The following FRY variants were observed in gnomAD, a reference collection of about 807,000 sequenced individuals.
FRY encodes FRY microtubule binding protein, also known as protein furry homolog.
Under a neutral mutation model 348.4 loss-of-function variants are expected in FRY, and 128 were observed. That is an observed-to-expected ratio of 0.37 (90% CI 0.32 to 0.43). The LOEUF (loss-of-function observed/expected upper bound fraction) is 0.43. Among genes scored for constraint, FRY ranks in the 20% least tolerant of loss-of-function variants. FRY has a pLI of 1.00. For missense variants in FRY, 2,736 were observed against 3,695.2 expected, an observed-to-expected ratio of 0.74 and a Z score of 6.73; for synonymous variants, 1,370 against 1,374.7, an observed-to-expected ratio of 1.00 and a Z score of 0.08.
At chr13:32,230,369 T>A (rs1885841605) in intron 40 of FRY, among the ~76,000 whole-genome samples, 1 of 152,224 alleles carries the variant, frequency 6.6e-6, no homozygotes, top group South Asian at 2.1e-4. Context: ...AGCCTCCAGC[T>A]CCATCCATGT....
At chr13:32,271,846 T>A (rs1183524991) in intron 55 of FRY, among the ~76,000 whole-genome samples, 1 of 152,018 alleles carries the variant, frequency 6.6e-6, no homozygotes, top group Non-Finnish European at 1.5e-5. Flanking sequence ...GAGAGCAAAG[T>A]GGTTGTGGAA....
At chr13:32,180,550 T>C (rs781623767) in intron 23 of FRY, among the ~76,000 whole-genome samples, 1 of 152,112 alleles carries the variant, frequency 6.6e-6, no homozygotes, top group Non-Finnish European at 1.5e-5. Flanking sequence ...GATCTTTCTA[T>C]AGGGCACTTT....
chr13:32,219,246 G>A (rs1885178334), intron 36 of FRY, among the ~76,000 whole-genome samples: 2 of 149,818 alleles, frequency 1.3e-5, no homozygotes, highest in South Asian at 2.1e-4. Flanking sequence ...CCACCACCAC[G>A]CCCAGCTAAT....
intron 23 of FRY, among the ~76,000 whole-genome samples, chr13:32,182,384 C>G (rs1390124040): frequency 2.0e-5 from 3 of 152,134 alleles, no homozygotes; most frequent in Non-Finnish European, 4.4e-5. Context: ...ACTTGCCATA[C>G]AGAATTTTTT....
In FRY at chr13:32,197,086, A is replaced by G. The variant is rs980360517; in HGVS notation, c.3746+2789A>G. ...TTTTAATTAAATACTTAAGAATTTC[A>G]TTATTTTTACTTTTACCTTCCAACA... On this transcript the variant is annotated intron_variant, in intron 29 of 60. Coordinates refer to ENST00000542859, the MANE Select transcript of FRY (RefSeq NM_023037.3). 3.3e-5 allele frequency among the ~76,000 whole-genome samples: 5 copies of G among 152,338 alleles called. No individual in the cohort carries two copies. In the South Asian group the frequency reaches 1.0e-3, roughly 32 times the overall value.
intron 11 of FRY, among the ~76,000 whole-genome samples, chr13:32,146,706 C>T (rs994421901): frequency 3.9e-5 from 6 of 152,186 alleles, no homozygotes; most frequent in Non-Finnish European, 8.8e-5. Flanking sequence ...TATCCTCTTG[C>T]TTCTGTCCCT....
At chr13:32,234,119 C>CA (rs11322238) in intron 41 of FRY, among the ~76,000 whole-genome samples, 960 of 75,986 alleles carry the variant, frequency 0.013, 12 homozygotes, top group African/African-American at 0.032. Context: ...ACCCTGTTTC[C>CA]AAAAAAAAAA....
intron 11 of FRY, among the ~76,000 whole-genome samples, chr13:32,143,024 A>G (rs1017693933): frequency 1.3e-5 from 2 of 152,176 alleles, no homozygotes; most frequent in African/African-American, 4.8e-5. Context: ...AGACAAGGAT[A>G]GGAAGGCATT....
At chr13:32,137,042 C>T (rs752848040) in intron 11 of FRY, 70 bp downstream of exon 11, 6 of 853,884 alleles carry the variant, frequency 7.0e-6, no homozygotes, top group Non-Finnish European at 1.0e-5. Context: ...GGCTGATGTG[C>T]TTCTGGAAGT....
rs118004101 is a variant in FRY at position 32,215,326 on chromosome 13, T to C, written c.4682+2944T>C. On this transcript the variant is annotated intron_variant, in intron 35 of 60. Coordinates refer to ENST00000542859, the MANE Select transcript of FRY (RefSeq NM_023037.3). Reference sequence around the variant, plus strand: ...AAATAAATATTTAAGATGATGGATATCCCAATTACCCTGATTTGATATTTA... The same window carrying C: ...AAATAAATATTTAAGATGATGGATACCCCAATTACCCTGATTTGATATTTA... 4.8e-3 allele frequency among the ~76,000 whole-genome samples: 737 copies of C among 152,314 alleles called. 4 individuals are homozygous for C. Among genetic ancestry groups the C allele is most frequent in the South Asian group, 0.013 (65 of 4,830 alleles).
At chr13:32,254,484 G>A (rs1280774070) in intron 51 of FRY, 90 bp downstream of exon 51, 3 of 1,184,906 alleles carry the variant, frequency 2.5e-6, no homozygotes, top group Non-Finnish European at 2.5e-6. Flanking sequence ...ATGAGTTTTT[G>A]TAACAAGATC....
chr13:32,281,830 C>T (rs1305843278), intron 58 of FRY, among the ~76,000 whole-genome samples: 9 of 152,148 alleles, frequency 5.9e-5, no homozygotes, highest in Admixed American at 5.9e-4. Flanking sequence ...CGTCTGGATA[C>T]TTGGTTACAG....
chr13:32,093,595 C>T (rs1482442513), intron 2 of FRY, among the ~76,000 whole-genome samples: 1 of 152,168 alleles, frequency 6.6e-6, no homozygotes, highest in East Asian at 1.9e-4. Flanking sequence ...TTTGTTTAGT[C>T]AAGACTATTT....
At chr13:32,107,381 A>T (rs434856) in intron 3 of FRY, among the ~76,000 whole-genome samples, 95,942 of 152,102 alleles carry the variant, frequency 0.63, 30,602 homozygotes, top group Middle Eastern at 0.69. Flanking sequence ...AAACCTGGAA[A>T]AAAGATTTTA....
rs911846279 is a variant in FRY at position 32,234,487 on chromosome 13, T to C, written c.5528-87T>C. On this transcript the variant is annotated intron_variant, in intron 41 of 60. Coordinates refer to ENST00000542859, the MANE Select transcript of FRY (RefSeq NM_023037.3). ...CCACTACAAGGTAGCCCTGTGCCGT[T>C]AGCCTGTTTTAAACTTAGAGGTAAC... 7.1e-6 allele frequency: 8 copies of C among 1,131,844 alleles called. No individual in the cohort carries two copies. The African/African-American group carries it at 9.1e-5, about 13-fold the overall frequency. The allele number at this position is 1,131,844 out of a possible 1,614,324, so 70.1% of individuals were successfully genotyped here.
chr13:32,229,026 A>T (rs1339609266), intron 40 of FRY, among the ~76,000 whole-genome samples: 1 of 152,066 alleles, frequency 6.6e-6, no homozygotes, highest in Non-Finnish European at 1.5e-5. Context: ...AGAGAACTTC[A>T]CTCTGGAAAT....
chr13:32,224,182 A>G (rs1885460888), intron 36 of FRY, 53 bp from the exon 37 acceptor site: 13 of 1,447,722 alleles, frequency 9.0e-6, no homozygotes, highest in African/African-American at 2.8e-5. Context: ...AAGTAGAGAA[A>G]ACAAGTCTCC....
intron 8 of FRY, among the ~76,000 whole-genome samples, chr13:32,132,609 T>C (rs1239429746): frequency 6.6e-6 from 1 of 152,204 alleles, no homozygotes; most frequent in Non-Finnish European, 1.5e-5. Context: ...GTGCCACAAA[T>C]GGTACAGCTT....
intron 10 of FRY, 89 bp downstream of exon 10, chr13:32,135,272 T>C (rs1386375076): frequency 3.6e-6 from 3 of 822,418 alleles, no homozygotes; most frequent in Non-Finnish European, 6.2e-6. Context: ...TCCTAAGGAC[T>C]CCACAGATAG....
Sources: gnomAD v4.1 joint callset for allele counts (sites outside exome capture counted in the v4.1 genomes callset) on GRCh38, gnomAD v4.1.1 for gene constraint, MANE v1.5 for transcripts, NCBI Gene and HGNC (gene_info 2026-07-23, HGNC 2026-07-21) for gene names.